The following KCNIP4 variants were observed in gnomAD, a reference collection of about 807,000 sequenced individuals.
The protein encoded by KCNIP4 is Kv channel-interacting protein 4.
In KCNIP4, 12 loss-of-function variants were observed where a neutral mutation model predicts 34.0. The ratio of observed to expected loss-of-function variants is 0.35; its 90% CI spans 0.23 to 0.57. The LOEUF (loss-of-function observed/expected upper bound fraction) is 0.57. Ranked by LOEUF, KCNIP4 falls within the 20% of genes least tolerant of loss-of-function variation. The pLI is 0.83. For missense variants in KCNIP4, 238 were observed against 311.7 expected (o/e 0.76, Z 1.78); for synonymous variants, 124 against 102.2 (o/e 1.21, Z -1.29).
At chr4:21,781,298 C>T (rs1719561556) in intron 1 of KCNIP4, among the ~76,000 whole-genome samples, 1 of 152,100 alleles carries the variant, frequency 6.6e-6, no homozygotes, top group African/African-American at 2.4e-5. Flanking sequence ...CACCTTCTGC[C>T]ATAATTTAAG....
intron 1 of KCNIP4, among the ~76,000 whole-genome samples, chr4:21,267,356 T>TAAA (rs5856618): frequency 2.8e-5 from 4 of 144,420 alleles, no homozygotes; most frequent in African/African-American, 7.6e-5. Context: ...AAAGGTAGAT[T>TAAA]AAAAAAAAAA....
intron 3 of KCNIP4, among the ~76,000 whole-genome samples, chr4:20,760,565 A>G (rs921598470): frequency 1.3e-5 from 2 of 152,162 alleles, no homozygotes; most frequent in South Asian, 2.1e-4. Flanking sequence ...AACAGTTTCA[A>G]TGTGAATTTG....
chr4:20,769,295 A>C (rs546986603), intron 3 of KCNIP4, among the ~76,000 whole-genome samples: 7 of 152,274 alleles, frequency 4.6e-5, no homozygotes, highest in African/African-American at 9.6e-5. Flanking sequence ...CAAGTAACTT[A>C]AGTTGGTTCT....
intron 1 of KCNIP4, among the ~76,000 whole-genome samples, chr4:21,112,046 T>TATCTATCTATCTATCTATCC (rs1560732864): frequency 1.4e-4 from 21 of 152,000 alleles, no homozygotes; most frequent in African/African-American, 4.3e-4. Flanking sequence ...TCTATCTATC[T>TATCTATCTATCTATCTATCC]ATCTATCTAT....
chr4:21,455,807 TCATATATATATATA>T (rs1728881609), intron 1 of KCNIP4, among the ~76,000 whole-genome samples: 1 of 28,866 alleles, frequency 3.5e-5, no homozygotes, highest in Non-Finnish European at 6.3e-5. Flanking sequence ...TTACAGATAT[TCATATATATATATA>T]TATATATATA....
At chr4:20,835,965 A>C (rs1718988297) in intron 3 of KCNIP4, among the ~76,000 whole-genome samples, 1 of 152,214 alleles carries the variant, frequency 6.6e-6, no homozygotes, top group East Asian at 1.9e-4. Context: ...CTCAACAATT[A>C]AAATTTCTAA....
At chr4:21,628,743 A>G (rs1056695451) in intron 1 of KCNIP4, among the ~76,000 whole-genome samples, 4 of 152,190 alleles carry the variant, frequency 2.6e-5, no homozygotes, top group Admixed American at 6.5e-5. Context: ...CCTACCAATA[A>G]TAATGAGTCA....
chr4:21,616,783 C>T (rs6848328), intron 1 of KCNIP4, among the ~76,000 whole-genome samples: 133,063 of 152,168 alleles, frequency 0.87, 58,467 homozygotes, highest in East Asian at 0.99. Context: ...ACGAGTCATA[C>T]TGAATTAACA....
At chr4:20,839,159 C>T (rs139031038) in intron 3 of KCNIP4, among the ~76,000 whole-genome samples, 4 of 152,106 alleles carry the variant, frequency 2.6e-5, no homozygotes, top group Admixed American at 2.6e-4. Context: ...AGGGAGGTGA[C>T]TCTCAAATCT....
intron 3 of KCNIP4, among the ~76,000 whole-genome samples, chr4:20,810,093 G>T (rs912455231): frequency 6.6e-6 from 1 of 152,180 alleles, no homozygotes; most frequent in African/African-American, 2.4e-5. Flanking sequence ...CAGCAACTTG[G>T]CAACTGGGGC....
At chr4:20,953,303 C>A (rs1353785346) in intron 1 of KCNIP4, among the ~76,000 whole-genome samples, 1 of 152,192 alleles carries the variant, frequency 6.6e-6, no homozygotes, top group African/African-American at 2.4e-5. Context: ...TTTGTAGTAT[C>A]TGTCTGTTTG....
At chr4:21,860,662 T>C (rs62301416) in intron 1 of KCNIP4, among the ~76,000 whole-genome samples, 132,661 of 151,758 alleles carry the variant, frequency 0.87, 60,758 homozygotes, top group East Asian at 1. Context: ...TTTCTACTGA[T>C]ACTAAAAAAA....
chr4:20,790,898 A>AAG (rs145551015), intron 3 of KCNIP4, among the ~76,000 whole-genome samples: 2 of 151,852 alleles, frequency 1.3e-5, no homozygotes, highest in Non-Finnish European at 2.9e-5. Context: ...AAAGGAAGAA[A>AAG]AGAGAGAGAG....
At chr4:21,743,988 G>A (rs765225164) in intron 1 of KCNIP4, among the ~76,000 whole-genome samples, 13 of 151,978 alleles carry the variant, frequency 8.6e-5, no homozygotes, top group East Asian at 1.9e-4. Flanking sequence ...GTAAATCCAC[G>A]GAACAGAAAA....
intron 1 of KCNIP4, among the ~76,000 whole-genome samples, chr4:21,457,414 G>T (rs960284222): frequency 2.0e-5 from 3 of 151,742 alleles, no homozygotes; most frequent in Non-Finnish European, 4.4e-5. Context: ...CAAATCTCTA[G>T]CTCCTAATTC....
intron 1 of KCNIP4, among the ~76,000 whole-genome samples, chr4:21,459,871 T>G (rs752204282): frequency 6.6e-6 from 1 of 152,046 alleles, no homozygotes; most frequent in African/African-American, 2.4e-5. Flanking sequence ...GCCTCTGTGC[T>G]GCTCTGAGCC....
chr4:21,613,470 T>C (rs1274275615), intron 1 of KCNIP4: 1 of 152,122 alleles, frequency 6.6e-6, no homozygotes, highest in Non-Finnish European at 1.5e-5. Flanking sequence ...ATGCAGACTC[T>C]CTAAAGCCTT....
chr4:21,094,156 C>T (rs980540030), intron 1 of KCNIP4, among the ~76,000 whole-genome samples: 4 of 151,850 alleles, frequency 2.6e-5, no homozygotes, highest in African/African-American at 9.7e-5. Context: ...AAAGAAATTC[C>T]AAATCAAAAT....
At position 21,146,214 on chromosome 4, in the gene KCNIP4, C is replaced by T. The variant is rs564331066; in HGVS notation, c.62-263505G>A. Among the ~76,000 whole-genome samples the T allele has an allele frequency of 9.9e-5, 15 of 152,080 alleles. No individual in the cohort carries two copies. In the South Asian group the frequency reaches 3.1e-3, roughly 32 times the overall value. ...GAGATCGAGACCATCTTGGCTAACA[C>T]AGTGAAACCCCGTCTCTACTAAAAA... On this transcript the variant is annotated intron_variant, in intron 1 of 8. Transcript: ENST00000382152.
Sources: allele counts gnomAD v4.1 joint callset (sites outside exome capture counted in the v4.1 genomes callset), GRCh38; gene constraint gnomAD v4.1.1; transcripts MANE v1.5; gene names NCBI Gene and HGNC (gene_info 2026-07-23, HGNC 2026-07-21).